MED13L: variants seen among roughly 807,000 people sequenced by gnomAD.
MED13L encodes mediator complex subunit 13L, also known as mediator of RNA polymerase II transcription subunit 13-like.
A neutral mutation model predicts 220.9 loss-of-function variants in MED13L; 7 were observed. The ratio of observed to expected loss-of-function variants is 0.03; its 90% confidence interval spans 0.02 to 0.06. The LOEUF (loss-of-function observed/expected upper bound fraction) is 0.06, where lower values mean the gene tolerates loss of function less well. Among genes scored for constraint, MED13L ranks in the 10% least tolerant of loss-of-function variants. MED13L has a pLI of 1.00. For synonymous variants in MED13L, 1,011 were observed against 1,015.2 expected (o/e 1.00, Z 0.08); for missense variants, 1,965 against 2,760.5 (o/e 0.71, Z 6.46).
Position 116,203,181 on chromosome 12 carries a change from C to A in MED13L, c.310+34287G>T, listed in dbSNP as rs151089138. 4.8e-3 allele frequency among the ~76,000 whole-genome samples: 734 copies of A among 152,238 alleles called. 3 individuals are homozygous for A. Among genetic ancestry groups the A allele is most frequent in the Non-Finnish European group, 8.3e-3 (562 of 68,022 alleles). ...GACCTCAAGACAAATGTCTCCACAC[C>A]ATCTTCAGGCAGGAATGTTAACAGT... On this transcript the variant is annotated intron_variant, in intron 2 of 30. Transcript: ENST00000281928.
At chr12:116,015,941 T>A (rs1371103596) in intron 7 of MED13L, among the ~76,000 whole-genome samples, 1 of 152,176 alleles carries the variant, frequency 6.6e-6, no homozygotes, top group African/African-American at 2.4e-5. Flanking sequence ...CTCTAGTAAC[T>A]CCACTTAGTT....
chr12:115,977,515 C>T (rs1877018958), intron 23 of MED13L, among the ~76,000 whole-genome samples: 3 of 152,286 alleles, frequency 2.0e-5, no homozygotes, highest in South Asian at 4.1e-4. Flanking sequence ...TTCATAGCAG[C>T]ATTATTCACA....
chr12:116,271,040 CAAAAAAAAAAAAAA>C (rs58162276), intron 1 of MED13L, among the ~76,000 whole-genome samples: 6 of 30,096 alleles, frequency 2.0e-4, no homozygotes, highest in South Asian at 1.4e-3. Context: ...GACTCCGTCT[CAAAAAAAAAAAAAA>C]AAAAAAAAAA....
chr12:115,961,537 C>T, intron 30 of MED13L, 139 bp from the exon 31 acceptor site: 2 of 1,196,180 alleles, frequency 1.7e-6, no homozygotes, highest in South Asian at 1.3e-5. Context: ...TTTCCCTCAT[C>T]CTTTGTCTCA....
intron 2 of MED13L, among the ~76,000 whole-genome samples, chr12:116,173,310 G>A (rs1879816156): frequency 6.6e-6 from 1 of 152,142 alleles, no homozygotes; most frequent in Non-Finnish European, 1.5e-5. Flanking sequence ...GTATGGCACT[G>A]TAGGTTTTCT....
At chr12:116,138,363 G>C (rs961708517) in intron 2 of MED13L, among the ~76,000 whole-genome samples, 2 of 152,160 alleles carry the variant, frequency 1.3e-5, no homozygotes, top group African/African-American at 4.8e-5. Flanking sequence ...ACAGGGACTG[G>C]AGTACAGGAC....
At chr12:116,256,469 A>C (rs527546424) in intron 1 of MED13L, among the ~76,000 whole-genome samples, 1 of 152,244 alleles carries the variant, frequency 6.6e-6, no homozygotes, top group African/African-American at 2.4e-5. Context: ...CCTGACTGCA[A>C]AAGGACATGT....
At chr12:116,275,213 T>G (rs1230562637) in intron 1 of MED13L, among the ~76,000 whole-genome samples, 2 of 152,096 alleles carry the variant, frequency 1.3e-5, no homozygotes, top group Non-Finnish European at 2.9e-5. Context: ...TTGATCAATA[T>G]GTTTGCTAAT....
chr12:116,021,855 G>A (rs1477780150), intron 5 of MED13L, among the ~76,000 whole-genome samples: 1 of 152,144 alleles, frequency 6.6e-6, no homozygotes, highest in Non-Finnish European at 1.5e-5. Flanking sequence ...AAAAGGACAT[G>A]AAGTTATTTT....
chr12:116,173,563 G>T (rs1565912282), intron 2 of MED13L, among the ~76,000 whole-genome samples: 1 of 152,050 alleles, frequency 6.6e-6, no homozygotes, highest in Non-Finnish European at 1.5e-5. Flanking sequence ...TTGTTTTATA[G>T]TTCTATTAAA....
intron 4 of MED13L, among the ~76,000 whole-genome samples, chr12:116,035,855 A>C (rs998597376): frequency 6.6e-6 from 1 of 151,912 alleles, no homozygotes; most frequent in Non-Finnish European, 1.5e-5. Flanking sequence ...GGGATTACAG[A>C]CCTGAGCCAC....
intron 4 of MED13L, among the ~76,000 whole-genome samples, chr12:116,091,646 C>T (rs1872224172): frequency 6.6e-6 from 1 of 152,226 alleles, no homozygotes; most frequent in Non-Finnish European, 1.5e-5. Context: ...AAAAGCTCTA[C>T]ATTCAGTATC....
At chr12:115,994,617 G>T (rs1000768729) in intron 16 of MED13L, among the ~76,000 whole-genome samples, 2 of 152,176 alleles carry the variant, frequency 1.3e-5, no homozygotes, top group Non-Finnish European at 2.9e-5. Flanking sequence ...CACAGCAAAA[G>T]CTTGCATGTG....
intron 2 of MED13L, among the ~76,000 whole-genome samples, chr12:116,164,421 A>G (rs985738966): frequency 2.6e-5 from 4 of 152,246 alleles, no homozygotes; most frequent in African/African-American, 9.6e-5. Context: ...ACATAATAAC[A>G]AAATACAAAA....
intron 2 of MED13L, among the ~76,000 whole-genome samples, chr12:116,171,119 G>A (rs1328798356): frequency 1.3e-5 from 2 of 151,990 alleles, no homozygotes; most frequent in Non-Finnish European, 2.9e-5. Flanking sequence ...TAGTTTTTTT[G>A]ACTTGTGGGA....
At chr12:116,268,792 G>T (rs758043516) in intron 1 of MED13L, among the ~76,000 whole-genome samples, 1 of 152,052 alleles carries the variant, frequency 6.6e-6, no homozygotes, top group Non-Finnish European at 1.5e-5. Flanking sequence ...TATTTTATTT[G>T]AAACAAGTCT....
chr12:115,993,915 T>C (rs898199541), intron 16 of MED13L, among the ~76,000 whole-genome samples: 1 of 152,158 alleles, frequency 6.6e-6, no homozygotes, highest in Non-Finnish European at 1.5e-5. Flanking sequence ...AAGCAAATGA[T>C]TGCAGGGGTA....
intron 1 of MED13L, among the ~76,000 whole-genome samples, chr12:116,257,015 C>G (rs1044063651): frequency 6.6e-6 from 1 of 152,180 alleles, no homozygotes; most frequent in Non-Finnish European, 1.5e-5. Flanking sequence ...TATCATCTTG[C>G]ACATCTCCTG....
intron 13 of MED13L, among the ~76,000 whole-genome samples, chr12:116,005,538 T>C (rs1407385681): frequency 6.6e-6 from 1 of 152,214 alleles, no homozygotes; most frequent in Non-Finnish European, 1.5e-5. Context: ...ACATTTCTAG[T>C]AGTCCTGTGA....
Sources: gnomAD v4.1 joint callset for allele counts (sites outside exome capture counted in the v4.1 genomes callset) on GRCh38, gnomAD v4.1.1 for gene constraint, MANE v1.5 for transcripts, NCBI Gene and HGNC (gene_info 2026-07-23, HGNC 2026-07-21) for gene names.